ZFYVE1: variants seen among roughly 807,000 people sequenced by gnomAD.
The protein encoded by ZFYVE1 is zinc finger FYVE domain-containing protein 1.
A neutral mutation model predicts 74.4 loss-of-function variants in ZFYVE1; 30 were observed. The observed-to-expected ratio is 0.40, with a 90% CI of 0.30 to 0.55. The LOEUF (loss-of-function observed/expected upper bound fraction) is 0.55, where lower values mean the gene tolerates loss of function less well. Among genes scored for constraint, ZFYVE1 ranks in the 20% least tolerant of loss-of-function variants. The probability of loss-of-function intolerance (pLI) is 0.42; values close to 1 mark genes in which losing one functional copy is unlikely to be tolerated. For missense variants in ZFYVE1, 703 were observed against 1,011.6 expected, an observed-to-expected ratio of 0.69 and a Z score of 4.14; for synonymous variants, 335 against 385.1, an observed-to-expected ratio of 0.87 and a Z score of 1.52.
At chr14:72,991,073 T>C (rs1289578940) in intron 4 of ZFYVE1, among the ~76,000 whole-genome samples, 2 of 152,088 alleles carry the variant, frequency 1.3e-5, no homozygotes, top group East Asian at 3.8e-4. Flanking sequence ...GTCTAACTAT[T>C]TTTCTCAAAG....
At chr14:72,989,814 AAAAGAAAAAAAG>A (rs1217471127) in intron 4 of ZFYVE1, among the ~76,000 whole-genome samples, 4 of 152,142 alleles carry the variant, frequency 2.6e-5, no homozygotes, top group Non-Finnish European at 4.4e-5. Context: ...AAAAAAAAGA[AAAAGAAAAAAAG>A]AAAGAAAAAA....
At chr14:73,013,490 C>A (rs1268801099) in intron 2 of ZFYVE1, among the ~76,000 whole-genome samples, 30 of 152,080 alleles carry the variant, frequency 2.0e-4, no homozygotes, top group Non-Finnish European at 4.4e-4. Flanking sequence ...TGCCTGTAAT[C>A]CCAGCTACTT....
intron 2 of ZFYVE1, among the ~76,000 whole-genome samples, chr14:73,020,555 T>C (rs1428027761): frequency 6.6e-6 from 1 of 152,140 alleles, no homozygotes; most frequent in Non-Finnish European, 1.5e-5. Flanking sequence ...AGTTTCACCA[T>C]GTTGGCCAGA....
In ZFYVE1 at chr14:72,970,247, G is replaced by T. The variant is rs1380710489; in HGVS notation, c.*635C>A. ...CTCCACCCACTCCGGTGACCTGCAC[G>T]CTAAGTTGGGTGGTCTCTGACTAAA... On this transcript the variant is annotated 3_prime_UTR_variant, in exon 12 of 12. Transcript: ENST00000556143. The T allele has an allele frequency of 6.0e-5, 10 of 165,498 alleles. No homozygotes were observed. The highest frequency in any genetic ancestry group is 5.5e-4 in the Admixed American group (10 of 18,030). The allele number at this position is 165,498 out of a possible 1,614,324, so 10.3% of individuals were successfully genotyped here.
At chr14:73,014,929 T>A (rs778602664) in intron 2 of ZFYVE1, among the ~76,000 whole-genome samples, 1 of 152,014 alleles carries the variant, frequency 6.6e-6, no homozygotes, top group South Asian at 2.1e-4. Context: ...TACACCCAGT[T>A]TGTGGTAAAG....
chr14:73,025,349 G>A (rs912618925), intron 1 of ZFYVE1, among the ~76,000 whole-genome samples: 1 of 151,842 alleles, frequency 6.6e-6, no homozygotes, highest in East Asian at 2.0e-4. Flanking sequence ...GATTACAGGC[G>A]TGAGTCACCG....
At chr14:73,006,666 A>G (rs1036065639) in intron 2 of ZFYVE1, among the ~76,000 whole-genome samples, 2 of 151,040 alleles carry the variant, frequency 1.3e-5, no homozygotes, top group African/African-American at 4.9e-5. Context: ...AAGAGTCTGT[A>G]AAATGAAATA....
At position 72,998,299 on chromosome 14, in the gene ZFYVE1, T is replaced by C; in HGVS notation, c.500A>G (p.Asp167Gly). 1 of 1,464,320 alleles carries C rather than the reference T, an allele frequency of 6.8e-7. No homozygotes were observed. Among genetic ancestry groups the C allele is most frequent in the Non-Finnish European group, 9.1e-7 (1 of 1,103,980 alleles). The allele number at this position is 1,464,320 out of a possible 1,614,324, so 90.7% of individuals were successfully genotyped here. Residue 167 changes from aspartate to glycine, a missense_variant, in exon 3 of 12, where the codon GAC becomes GGC. Physicochemically the swap from Asp to Gly is moderately conservative, Grantham distance 94. Transcript: ENST00000556143. Reference protein sequence around the residue: ...NEEIQVTNEEDFIRKLDCKPD... With the variant: ...NEEIQVTNEEGFIRKLDCKPD... ...TTTGCAGTCCAATTTTCTAATAAAG[T>C]CTTCTTCATTTGTTACCTGCAAAAA...
chr14:73,005,051 A>G (rs927185757), intron 2 of ZFYVE1, among the ~76,000 whole-genome samples: 4 of 152,040 alleles, frequency 2.6e-5, no homozygotes. Flanking sequence ...TAACCAAATA[A>G]ACAGATACGC....
At chr14:72,995,753 G>C (rs1893729511) in intron 3 of ZFYVE1, among the ~76,000 whole-genome samples, 5 of 152,072 alleles carry the variant, frequency 3.3e-5, no homozygotes, top group Admixed American at 3.3e-4. Context: ...ATCTTCTATA[G>C]GGCATGTGTC....
chr14:73,012,019 C>T (rs1216178996), intron 2 of ZFYVE1, among the ~76,000 whole-genome samples: 1 of 151,624 alleles, frequency 6.6e-6, no homozygotes, highest in Non-Finnish European at 1.5e-5. Context: ...ACTTTGAGAC[C>T]AGCCTGGGCA....
chr14:72,971,489 A>C lies in ZFYVE1; in HGVS notation c.2102-375T>G, dbSNP rs1283329361. Among the ~76,000 whole-genome samples, 3 of 151,902 alleles carry C rather than the reference A, an allele frequency of 2.0e-5. No individual in the cohort carries two copies. The East Asian group carries it at 5.8e-4, about 29-fold the overall frequency. ...GTAGCTGGGACTACAGGTGTGCACC[A>C]CCACACCTGGCTAATTTTTGTAGAG... On this transcript the variant is annotated intron_variant, in intron 11 of 11. Transcript: ENST00000556143.
intron 2 of ZFYVE1, among the ~76,000 whole-genome samples, chr14:73,012,501 A>C (rs2140381704): frequency 6.6e-6 from 1 of 152,276 alleles, no homozygotes; most frequent in African/African-American, 2.4e-5. Context: ...GTGTGCCTGT[A>C]GTCCCAGCTA....
At chr14:72,996,150 T>C (rs1893743774) in intron 3 of ZFYVE1, among the ~76,000 whole-genome samples, 1 of 151,640 alleles carries the variant, frequency 6.6e-6, no homozygotes, top group South Asian at 2.1e-4. Context: ...AGGGGGAGAA[T>C]GAAAAGGGGT....
chr14:73,015,476 C>T (rs1894183371), intron 2 of ZFYVE1, among the ~76,000 whole-genome samples: 2 of 151,956 alleles, frequency 1.3e-5, no homozygotes, highest in Non-Finnish European at 2.9e-5. Context: ...GAGGAAACCT[C>T]CACCCCCTGG....
chr14:73,018,848 G>A (rs1894255724), intron 2 of ZFYVE1, among the ~76,000 whole-genome samples: 1 of 151,736 alleles, frequency 6.6e-6, no homozygotes, highest in Non-Finnish European at 1.5e-5. Flanking sequence ...GGAGGCTGAG[G>A]CAGAACAATT....
chr14:72,975,301 T>G lies in ZFYVE1; in HGVS notation c.1806+250A>C. 1.8e-6 allele frequency: 1 copy of G among 553,888 alleles called. No homozygotes were observed. Among genetic ancestry groups the G allele is most frequent in the Middle Eastern group, 4.8e-4 (1 of 2,090 alleles). 34.3% of individuals were successfully genotyped at this position (553,888 alleles called of 1,614,324 possible). On this transcript the variant is annotated intron_variant, in intron 9 of 11. Transcript: ENST00000556143. This position sits in a 1 kb window ranked among gnomAD's most constrained non-coding sequence, Gnocchi z 4.1. The stretch of plus-strand genomic sequence containing the variant: ...CCTCACATATCTAAGCAATATTCAC[T>G]GGTCGTCACACACAAGGAAACTAAA...
At chr14:72,974,721 C>T (rs1332710474) in intron 10 of ZFYVE1, 58 bp downstream of exon 10, 9 of 1,545,940 alleles carry the variant, frequency 5.8e-6, no homozygotes, top group Non-Finnish European at 7.9e-6. Flanking sequence ...TCTTAGCACC[C>T]AGGGCCAATG....
chr14:73,022,272 G>C (rs540669455), intron 2 of ZFYVE1, among the ~76,000 whole-genome samples: 1 of 152,242 alleles, frequency 6.6e-6, no homozygotes, highest in East Asian at 1.9e-4. Flanking sequence ...ACATGACAAT[G>C]GAAGTATACA....
Sources: gnomAD v4.1 joint callset for allele counts (sites outside exome capture counted in the v4.1 genomes callset) on GRCh38, gnomAD v4.1.1 for gene constraint, Gnocchi (gnomAD v3.1) non-coding constraint, MANE v1.5 for transcripts, NCBI Gene and HGNC (gene_info 2026-07-23, HGNC 2026-07-21) for gene names.